TENM2: variants seen among roughly 807,000 people sequenced by gnomAD.
The protein encoded by TENM2 is teneurin-2.
A neutral mutation model predicts 245.2 loss-of-function variants in TENM2; 52 were observed. The observed-to-expected ratio is 0.21, with a 90% CI of 0.17 to 0.27. The LOEUF (loss-of-function observed/expected upper bound fraction) is 0.27, where lower values mean the gene tolerates loss of function less well. Ranked by LOEUF, TENM2 falls within the 10% of genes least tolerant of loss-of-function variation. The pLI is 1.00. For synonymous variants in TENM2, 1,363 were observed against 1,438.9 expected, an observed-to-expected ratio of 0.95 and a Z score of 1.19; for missense variants, 3,046 against 3,666.8, an observed-to-expected ratio of 0.83 and a Z score of 4.37.
intron 3 of TENM2, among the ~76,000 whole-genome samples, chr5:167,933,448 T>C (rs1369291685): frequency 6.6e-6 from 1 of 152,184 alleles, no homozygotes; most frequent in African/African-American, 2.4e-5. Flanking sequence ...GACTGCATAG[T>C]ACAATATGTT....
intron 2 of TENM2, among the ~76,000 whole-genome samples, chr5:167,444,968 G>A (rs1189583292): frequency 6.6e-6 from 1 of 151,986 alleles, no homozygotes; most frequent in African/African-American, 2.4e-5. Context: ...TTTCCCATTT[G>A]GAAGAATAAG....
chr5:168,096,618 T>C (rs937366924), intron 8 of TENM2, among the ~76,000 whole-genome samples: 2 of 152,216 alleles, frequency 1.3e-5, no homozygotes, highest in African/African-American at 2.4e-5. Flanking sequence ...GAAGTTTCAA[T>C]CCAGAGTGGG....
the TENM2 span, among the ~76,000 whole-genome samples, chr5:167,203,763 AT>A: frequency 0.011 from 1,672 of 152,028 alleles, 29 homozygotes; most frequent in African/African-American, 0.038. Context: ...CTATTTTCAA[AT>A]TTTTTTTATT....
chr5:167,934,355 C>A lies in TENM2; in HGVS notation c.713-18233C>A, dbSNP rs1583414727. Among the ~76,000 whole-genome samples the A allele has an allele frequency of 3.3e-5, 5 of 152,184 alleles. No individual in the cohort carries two copies. In the South Asian group the frequency reaches 1.0e-3, roughly 31 times the overall value. The stretch of plus-strand genomic sequence containing the variant: ...GCATTTAACTCAGAAAATAAGACAT[C>A]CCTCCTCCTAGAAGGGGAAAGATTC... On this transcript the variant is annotated intron_variant, in intron 3 of 28. Coordinates refer to ENST00000518659, the Ensembl canonical transcript of TENM2.
intron 2 of TENM2, among the ~76,000 whole-genome samples, chr5:167,482,889 A>C (rs1003005259): frequency 5.9e-5 from 9 of 152,236 alleles, no homozygotes; most frequent in Admixed American, 5.9e-4. Flanking sequence ...AAGTAGAAAT[A>C]TCCAGCTCTC....
chr5:168,118,200 C>A, intron 9 of TENM2, 92 bp from the exon 12 acceptor site: 1 of 1,111,460 alleles, frequency 9.0e-7, no homozygotes, highest in Non-Finnish European at 1.2e-6. Flanking sequence ...TAAGCCAAGC[C>A]CCAAGGCCAG....
At chr5:168,039,314 T>G (rs1445618026) in intron 5 of TENM2, among the ~76,000 whole-genome samples, 1 of 152,132 alleles carries the variant, frequency 6.6e-6, no homozygotes, top group Non-Finnish European at 1.5e-5. Flanking sequence ...GTTGCCGTTC[T>G]TTGAAGAAAG....
the TENM2 span, among the ~76,000 whole-genome samples, chr5:167,205,538 A>G: frequency 3.3e-5 from 5 of 152,182 alleles, no homozygotes; most frequent in African/African-American, 1.2e-4. Context: ...CATTTGAAAT[A>G]TTGAACTGCA....
In TENM2 at chr5:167,532,826, G is replaced by GTGTGTATATA. The variant is rs1554170577; in HGVS notation, c.502+157354_502+157355insGTGTATATAT. Among the ~76,000 whole-genome samples the GTGTGTATATA allele has an allele frequency of 1.5e-3, 211 of 144,542 alleles. 3 individuals carry two copies. The highest frequency in any genetic ancestry group is 5.2e-3 in the African/African-American group (200 of 38,638). The allele number at this position is 144,542 out of a possible 152,430, so 94.8% of individuals were successfully genotyped here. A position where few individuals can be genotyped will look rare whatever the true frequency, so the allele number is the denominator to read the frequency against. ...TATTTGTGTGTATGTGTGTGTGTGT[G>GTGTGTATATA]TATATATATATATATATATGCTATC... On this transcript the variant is annotated intron_variant, in intron 2 of 28. Transcript: ENST00000518659.
At chr5:167,987,327 G>A (rs370528255) in intron 4 of TENM2, among the ~76,000 whole-genome samples, 2 of 151,158 alleles carry the variant, frequency 1.3e-5, no homozygotes, top group South Asian at 2.1e-4. Context: ...GAGCTTCTTC[G>A]CTTCCTTTTT....
chr5:167,534,395 G>A (rs971258818), intron 2 of TENM2, among the ~76,000 whole-genome samples: 1 of 152,178 alleles, frequency 6.6e-6, no homozygotes, highest in African/African-American at 2.4e-5. Flanking sequence ...GAAGGCTGGG[G>A]CCCTGTGCAA....
chr5:167,364,272 A>G (rs1487169197), intron 1 of TENM2, among the ~76,000 whole-genome samples: 1 of 152,154 alleles, frequency 6.6e-6, no homozygotes, highest in East Asian at 1.9e-4. Context: ...CAACATACGT[A>G]TTGTAGTCCT....
At chr5:167,812,883 G>A (rs1355933226) in intron 2 of TENM2, among the ~76,000 whole-genome samples, 4 of 152,174 alleles carry the variant, frequency 2.6e-5, no homozygotes, top group East Asian at 1.9e-4. Context: ...TCAGGGACCC[G>A]ATGCCACACA....
At chr5:168,204,065 T>C (rs940488820) in intron 18 of TENM2, among the ~76,000 whole-genome samples, 11 of 151,918 alleles carry the variant, frequency 7.2e-5, no homozygotes, top group African/African-American at 2.7e-4. Context: ...TCATCCAGAG[T>C]GTATGTGCCA....
chr5:167,244,616 C>T, the TENM2 span, among the ~76,000 whole-genome samples: 385 of 152,352 alleles, frequency 2.5e-3, 2 homozygotes, highest in African/African-American at 8.6e-3. Flanking sequence ...GGGAGAGCTT[C>T]GCCAGTGTTT....
intron 3 of TENM2, among the ~76,000 whole-genome samples, chr5:167,950,952 TG>T (rs1197419038): frequency 6.6e-6 from 1 of 152,250 alleles, no homozygotes; most frequent in Non-Finnish European, 1.5e-5. Flanking sequence ...GGGTTTTTGT[TG>T]TCACTGTCCT....
chr5:167,109,432 T>A, the TENM2 span, among the ~76,000 whole-genome samples: 1 of 152,156 alleles, frequency 6.6e-6, no homozygotes, highest in Non-Finnish European at 1.5e-5. Context: ...AGCAGAAAGT[T>A]GATATTTTAT....
the TENM2 span, among the ~76,000 whole-genome samples, chr5:167,037,072 T>C: frequency 1.3e-3 from 200 of 152,294 alleles, 1 homozygote; most frequent in African/African-American, 4.6e-3. Context: ...ACAAACTATC[T>C]CTCCTTTGAT....
the TENM2 span, among the ~76,000 whole-genome samples, chr5:167,005,263 T>C: frequency 6.6e-6 from 1 of 152,128 alleles, no homozygotes; most frequent in South Asian, 2.1e-4. Context: ...CTGTTGAGGG[T>C]AGACAACATC....
Sources: allele counts gnomAD v4.1 joint callset (sites outside exome capture counted in the v4.1 genomes callset), GRCh38; gene constraint gnomAD v4.1.1; transcripts MANE v1.5; gene names NCBI Gene and HGNC (gene_info 2026-07-23, HGNC 2026-07-21).